ATP1A3: variants seen among roughly 807,000 people sequenced by gnomAD.
ATP1A3 encodes the protein ATPase Na+/K+ transporting subunit alpha 3, also known as sodium/potassium-transporting ATPase subunit alpha-3.
In ATP1A3, 12 loss-of-function variants were observed where a neutral mutation model predicts 108.8. That is an observed-to-expected ratio of 0.11 (90% CI 0.07 to 0.18). ATP1A3 has a LOEUF of 0.18. Ranked by LOEUF, ATP1A3 falls within the 10% of genes least tolerant of loss-of-function variation. The pLI, the probability that ATP1A3 is intolerant of heterozygous loss-of-function variation, is 1.00. For missense variants in ATP1A3, 498 were observed against 1,387.7 expected (o/e 0.36, Z 10.19); for synonymous variants, 539 against 564.5 (o/e 0.95, Z 0.64).
chr19:41,985,829 G>A lies in ATP1A3; in HGVS notation c.606+35C>T. ...GGGCCTGAGCTCCTGGGCAGCCCGA[G>A]GGAGGGTAAAGCCGGGCCCTAGGCC... On this transcript the variant is annotated intron_variant, in intron 6 of 22. Transcript: ENST00000648268. This position sits in a 1 kb window ranked among gnomAD's most constrained non-coding sequence, Gnocchi z 8.2. The A allele has an allele frequency of 1.9e-6, 3 of 1,611,946 alleles. No homozygotes were observed. The highest frequency in any genetic ancestry group is 2.5e-6 in the Non-Finnish European group (3 of 1,179,674).
At chr19:41,971,474 C>T (rs2075109373) in intron 16 of ATP1A3, among the ~76,000 whole-genome samples, 1 of 152,176 alleles carries the variant, frequency 6.6e-6, no homozygotes, top group Non-Finnish European at 1.5e-5. Context: ...TAGCACCACT[C>T]ATCAGAGCCA....
At position 41,966,906 on chromosome 19, in the gene ATP1A3, G is replaced by C. The variant is rs1315733690; in HGVS notation, c.*31C>G. 2.6e-6 allele frequency: 4 copies of C among 1,551,304 alleles called. No homozygotes were observed. The highest frequency in any genetic ancestry group is 3.5e-6 in the Non-Finnish European group (4 of 1,146,946). On this transcript the variant is annotated 3_prime_UTR_variant, in exon 23 of 23. Coordinates refer to ENST00000648268, the MANE Select transcript of ATP1A3 (RefSeq NM_152296.5). Reference sequence around the variant, plus strand: ...GGGCGGTCCTGGGCCTGGGGGACGGGGAAGAGATGGGCGATGTGGTGGGGC... The same window carrying C: ...GGGCGGTCCTGGGCCTGGGGGACGGCGAAGAGATGGGCGATGTGGTGGGGC...
rs782512492 is a variant in ATP1A3 at position 41,966,929 on chromosome 19, G to T, written c.*8C>A. The stretch of plus-strand genomic sequence containing the variant: ...GGGGAAGAGATGGGCGATGTGGTGG[G>T]GCTGAGGTCAGTAGTAGGTTTCCTT... On this transcript the variant is annotated 3_prime_UTR_variant, in exon 23 of 23. Transcript: ENST00000648268. 26 of 1,551,310 alleles carry T rather than the reference G, an allele frequency of 1.7e-5. No individual in the cohort carries two copies. The highest frequency in any genetic ancestry group is 1.7e-6 in the Non-Finnish European group (2 of 1,146,984).
Position 41,968,979 on chromosome 19 carries a change from C to T in ATP1A3, c.2689-64G>A. 3 of 1,609,700 alleles carry T rather than the reference C, an allele frequency of 1.9e-6. No individual in the cohort carries two copies. The highest frequency in any genetic ancestry group is 2.5e-6 in the Non-Finnish European group (3 of 1,178,310). On this transcript the variant is annotated intron_variant, in intron 19 of 22. Coordinates refer to ENST00000648268, the MANE Select transcript of ATP1A3 (RefSeq NM_152296.5). The surrounding 1 kb of genome is among the most constrained non-coding windows in gnomAD (Gnocchi z 5.0). ...TGGCACTGCAGCCCTAGCCGCCACC[C>T]CGACGTTCCGGTGCTCTTTGCCCCG...
chr19:41,968,236 G>T lies in ATP1A3; in HGVS notation c.2820-473C>A, dbSNP rs782029365. ...GCAGTGGCAAAACCCAAAATGGGCT[G>T]GGCATGGTGGCTCACACCTGTAATC... On this transcript the variant is annotated intron_variant, in intron 20 of 22. Transcript: ENST00000648268. This position sits in a 1 kb window ranked among gnomAD's most constrained non-coding sequence, Gnocchi z 5.0. Among the ~76,000 whole-genome samples the T allele has an allele frequency of 3.3e-5, 5 of 152,170 alleles. No individual in the cohort carries two copies. Among genetic ancestry groups the T allele is most frequent in the Non-Finnish European group, 7.4e-5 (5 of 68,016 alleles).
intron 5 of ATP1A3, 23 bp from the exon 6 acceptor site, chr19:41,986,021 C>T (rs781988638): frequency 1.2e-6 from 2 of 1,614,132 alleles, no homozygotes; most frequent in East Asian, 4.5e-5. Flanking sequence ...GGAGTAATGT[C>T]ACCTCCCAGA....
At position 41,970,694 on chromosome 19, in the gene ATP1A3, C is replaced by T. The variant is rs529795357; in HGVS notation, c.2264-152G>A. 2.9e-4 allele frequency: 277 copies of T among 940,714 alleles called. 1 individual carries two copies. Among genetic ancestry groups the T allele is most frequent in the South Asian group, 1.7e-3 (98 of 56,922 alleles). 58.3% of individuals were successfully genotyped at this position (940,714 alleles called of 1,614,324 possible). On this transcript the variant is annotated intron_variant, in intron 16 of 22. Coordinates refer to ENST00000648268, the MANE Select transcript of ATP1A3 (RefSeq NM_152296.5). ...TTGCCCAGGCTGGAGTGCAGTGGTG[C>T]GATCTCGGCTCACTGCAGGCTCCGC...
intron 1 of ATP1A3, among the ~76,000 whole-genome samples, chr19:41,992,342 G>A (rs782000373): frequency 7.2e-5 from 11 of 152,258 alleles, no homozygotes; most frequent in Middle Eastern, 3.4e-3. Context: ...AGATGGGCGC[G>A]CTGCGGGGTG....
rs1555864994 is a variant in ATP1A3, at chr19:41,985,297, C to A, written c.724+9G>T. The A allele has an allele frequency of 6.2e-7, 1 of 1,613,978 alleles. No homozygotes were observed. The highest frequency in any genetic ancestry group is 8.5e-7 in the Non-Finnish European group (1 of 1,179,836). ...CCCCAGCTGTGTGTCTTCTCTGCAC[C>A]CGCCTCACCTTCCACACAGTTGGTG... On this transcript the variant is annotated intron_variant, in intron 7 of 22. Transcript: ENST00000648268. The surrounding 1 kb of genome is among the most constrained non-coding windows in gnomAD (Gnocchi z 8.2).
chr19:41,991,538 A>T (rs1200594826), intron 1 of ATP1A3, among the ~76,000 whole-genome samples: 2 of 152,042 alleles, frequency 1.3e-5, no homozygotes, highest in East Asian at 3.9e-4. Context: ...AGATGGAGAG[A>T]TGTGGAGCTA....
intron 1 of ATP1A3, 117 bp downstream of exon 1, chr19:41,993,954 C>A: frequency 6.5e-7 from 1 of 1,542,382 alleles, no homozygotes; most frequent in Non-Finnish European, 8.8e-7. Context: ...CTCCCCGGGT[C>A]TCGCAGGCCT....
At chr19:41,969,799 C>A (rs1416758117) in intron 18 of ATP1A3, among the ~76,000 whole-genome samples, 5 of 152,204 alleles carry the variant, frequency 3.3e-5, no homozygotes, top group East Asian at 3.8e-4. Flanking sequence ...GGAGAGAGGG[C>A]TCTCCCAGAG....
chr19:41,970,671 G>C (rs1246659971), intron 16 of ATP1A3, 129 bp from the exon 17 acceptor site: 9 of 1,137,312 alleles, frequency 7.9e-6, no homozygotes, highest in South Asian at 7.9e-5. Context: ...TCGCTGTGTT[G>C]CCCAGGCTGG....
intron 8 of ATP1A3, 132 bp downstream of exon 8, chr19:41,984,786 G>C (rs11083643): frequency 2.3e-5 from 23 of 995,080 alleles, no homozygotes; most frequent in Admixed American, 3.0e-5. Context: ...TCCTCCCCCA[G>C]ACACACGGGT....
At position 41,988,622 on chromosome 19, in the gene ATP1A3, C is replaced by T. The variant is rs782298558; in HGVS notation, c.7-60G>A. Reference sequence around the variant, plus strand: ...CCAGACTGCGGGCGAGAAGGGGTTCCAGGAGGACACCGGCCCTCCATGCCC... The same window carrying T: ...CCAGACTGCGGGCGAGAAGGGGTTCTAGGAGGACACCGGCCCTCCATGCCC... On this transcript the variant is annotated intron_variant, in intron 1 of 22. Transcript: ENST00000648268. The surrounding 1 kb of genome is among the most constrained non-coding windows in gnomAD (Gnocchi z 5.3). 14 of 1,613,330 alleles carry T rather than the reference C, an allele frequency of 8.7e-6. No homozygotes were observed. In the South Asian group the frequency reaches 1.5e-4, roughly 18 times the overall value.
At chr19:41,971,470 C>T (rs1019836342) in intron 16 of ATP1A3, among the ~76,000 whole-genome samples, 1 of 152,170 alleles carries the variant, frequency 6.6e-6, no homozygotes, top group Non-Finnish European at 1.5e-5. Flanking sequence ...ACCATAGCAC[C>T]ACTCATCAGA....
chr19:41,987,879 G>C, intron 4 of ATP1A3, 57 bp downstream of exon 4: 1 of 1,588,424 alleles, frequency 6.3e-7, no homozygotes, highest in South Asian at 1.1e-5. Flanking sequence ...AAGTTGGGGT[G>C]CGGTGTCCGT....
In ATP1A3 at chr19:41,981,861, C is replaced by A. The variant is rs539325201; in HGVS notation, c.1193-30G>T. 5.6e-6 allele frequency: 9 copies of A among 1,614,228 alleles called. No individual in the cohort carries two copies. The highest frequency in any genetic ancestry group is 7.6e-6 in the Non-Finnish European group (9 of 1,180,044). ...GGGAGGCATGTGTGAGGGCCAGGGA[C>A]TCCTGGAGCCAGGCCCCCATGGTCC... On this transcript the variant is annotated intron_variant, in intron 9 of 22. Transcript: ENST00000648268. This position sits in a 1 kb window ranked among gnomAD's most constrained non-coding sequence, Gnocchi z 5.0.
chr19:41,968,041 G>C lies in ATP1A3; in HGVS notation c.2820-278C>G, dbSNP rs8101246. Among the ~76,000 whole-genome samples the C allele has an allele frequency of 2.3e-4, 4 of 17,640 alleles. No homozygotes were observed. Among genetic ancestry groups the C allele is most frequent in the African/African-American group, 8.4e-4 (2 of 2,376 alleles). The allele number at this position is 17,640 out of a possible 152,430, so 11.6% of individuals were successfully genotyped here. A position where few individuals can be genotyped will look rare whatever the true frequency, so the allele number is the denominator to read the frequency against. On this transcript the variant is annotated intron_variant, in intron 20 of 22. Coordinates refer to ENST00000648268, the MANE Select transcript of ATP1A3 (RefSeq NM_152296.5). The surrounding 1 kb of genome is among the most constrained non-coding windows in gnomAD (Gnocchi z 5.0). ...ACAGAGACAGACAGGGACAGACAGA[G>C]AGACAGACACAGGGACAGACACAGA...
Sources: allele counts gnomAD v4.1 joint callset (sites outside exome capture counted in the v4.1 genomes callset), GRCh38; gene constraint gnomAD v4.1.1; non-coding constraint Gnocchi (gnomAD v3.1); transcripts MANE v1.5; gene names NCBI Gene and HGNC (gene_info 2026-07-23, HGNC 2026-07-21).